Variants in DNAJC1 observed in about 807,000 individuals in gnomAD.
DNAJC1 encodes DnaJ heat shock protein family (Hsp40) member C1, also known as dnaJ homolog subfamily C member 1.
Under a neutral mutation model 76.6 loss-of-function variants are expected in DNAJC1, and 58 were observed. That is an observed-to-expected ratio of 0.76 (90% CI 0.61 to 0.94). The LOEUF (loss-of-function observed/expected upper bound fraction) is 0.94, where lower values mean the gene tolerates loss of function less well. Ranked by LOEUF, DNAJC1 falls within the 40% of genes least tolerant of loss-of-function variation. The pLI, the probability that DNAJC1 is intolerant of heterozygous loss-of-function variation, is 0.00. For synonymous variants in DNAJC1, 258 were observed against 267.9 expected (o/e 0.96, Z 0.36); for missense variants, 689 against 677.3 (o/e 1.02, Z -0.19).
intron 1 of DNAJC1, among the ~76,000 whole-genome samples, chr10:21,989,008 C>T (rs531147891): frequency 2.0e-5 from 3 of 152,198 alleles, no homozygotes; most frequent in Non-Finnish European, 2.9e-5. Context: ...TTCAAAACCT[C>T]GTGGGATTTG....
intron 8 of DNAJC1, among the ~76,000 whole-genome samples, chr10:21,823,650 A>G (rs937086699): frequency 3.3e-5 from 5 of 151,984 alleles, no homozygotes; most frequent in African/African-American, 1.2e-4. Context: ...AGGGTGTCCA[A>G]TCTTTTGGCT....
chr10:21,830,694 A>C (rs1157556202), intron 8 of DNAJC1, among the ~76,000 whole-genome samples: 1 of 152,078 alleles, frequency 6.6e-6, no homozygotes, highest in African/African-American at 2.4e-5. Flanking sequence ...TTTCTTTCTG[A>C]AATGTATTAA....
chr10:21,858,739 C>T (rs1439932923), intron 8 of DNAJC1, among the ~76,000 whole-genome samples: 1 of 152,102 alleles, frequency 6.6e-6, no homozygotes, highest in Non-Finnish European at 1.5e-5. Flanking sequence ...AGGTCTCCTA[C>T]ATAAAACACT....
At chr10:21,915,069 T>C (rs965975010) in intron 6 of DNAJC1, among the ~76,000 whole-genome samples, 9 of 152,238 alleles carry the variant, frequency 5.9e-5, no homozygotes, top group African/African-American at 2.2e-4. Flanking sequence ...TTTGTTCTGA[T>C]ATACATTTAA....
chr10:21,842,728 G>T (rs571311428), intron 8 of DNAJC1, among the ~76,000 whole-genome samples: 49 of 152,302 alleles, frequency 3.2e-4, no homozygotes, highest in Non-Finnish European at 6.2e-4. Context: ...AGTACAGTTT[G>T]TGAGAAAATT....
intron 1 of DNAJC1, among the ~76,000 whole-genome samples, chr10:21,948,847 T>C (rs1315913311): frequency 6.6e-6 from 1 of 152,200 alleles, no homozygotes; most frequent in Non-Finnish European, 1.5e-5. Context: ...AGTACCTCTT[T>C]TTAAAAATGC....
At chr10:21,894,852 C>G (rs1286223117) in intron 7 of DNAJC1, among the ~76,000 whole-genome samples, 1 of 152,096 alleles carries the variant, frequency 6.6e-6, no homozygotes, top group African/African-American at 2.4e-5. Flanking sequence ...ATCTCTTCTG[C>G]CATGTGAGCA....
At chr10:21,800,520 G>A (rs1287769412) in intron 9 of DNAJC1, among the ~76,000 whole-genome samples, 1 of 152,150 alleles carries the variant, frequency 6.6e-6, no homozygotes, top group African/African-American at 2.4e-5. Context: ...AGCAAAAAAA[G>A]GAAGCAATTT....
chr10:21,767,003 A>G (rs1834308758), intron 9 of DNAJC1, among the ~76,000 whole-genome samples: 1 of 151,384 alleles, frequency 6.6e-6, no homozygotes, highest in Admixed American at 6.6e-5. Context: ...TACTACTTTC[A>G]TTATGCAAAC....
At chr10:21,835,428 C>A (rs1835433943) in intron 8 of DNAJC1, among the ~76,000 whole-genome samples, 1 of 152,318 alleles carries the variant, frequency 6.6e-6, no homozygotes, top group Admixed American at 6.5e-5. Flanking sequence ...ACCTCTCCTC[C>A]TCCAAAGGAA....
chr10:21,862,801 C>A, intron 8 of DNAJC1, among the ~76,000 whole-genome samples: 1 of 151,970 alleles, frequency 6.6e-6, no homozygotes, highest in Non-Finnish European at 1.5e-5. Context: ...GAAGGAAGTT[C>A]TCAAATCAAC....
chr10:21,995,215 G>A (rs1838396920), intron 1 of DNAJC1, among the ~76,000 whole-genome samples: 1 of 152,064 alleles, frequency 6.6e-6, no homozygotes. Context: ...CTTAAGTATT[G>A]ACTAGAAATA....
chr10:21,838,932 CGGG>C (rs1205544219), intron 8 of DNAJC1, among the ~76,000 whole-genome samples: 1 of 152,146 alleles, frequency 6.6e-6, no homozygotes, highest in Non-Finnish European at 1.5e-5. Flanking sequence ...AACTAGAACT[CGGG>C]ATTAAGAAAC....
chr10:21,964,378 C>T (rs1732055376), intron 1 of DNAJC1, among the ~76,000 whole-genome samples: 1 of 152,032 alleles, frequency 6.6e-6, no homozygotes, highest in African/African-American at 2.4e-5. Flanking sequence ...CCATGCCTGG[C>T]TAATTTTTTT....
At chr10:22,003,128 C>T in intron 1 of DNAJC1, 85 bp downstream of exon 1, 4 of 1,370,010 alleles carry the variant, frequency 2.9e-6, no homozygotes, top group Non-Finnish European at 2.8e-6. Context: ...CCCTGCCCTA[C>T]GTGTCCGGCT....
At chr10:21,891,641 C>G (rs1836465247) in intron 7 of DNAJC1, among the ~76,000 whole-genome samples, 1 of 152,006 alleles carries the variant, frequency 6.6e-6, no homozygotes, top group Admixed American at 6.6e-5. Context: ...CCATAGAGGC[C>G]AGAAGGAAGT....
chr10:21,846,340 G>A (rs1020054815), intron 8 of DNAJC1, among the ~76,000 whole-genome samples: 2 of 152,054 alleles, frequency 1.3e-5, no homozygotes, highest in South Asian at 4.2e-4. Context: ...AAACAATTTT[G>A]GGCTCTGCCA....
chr10:21,986,726 A>G lies in DNAJC1; in HGVS notation c.222+16487T>C, dbSNP rs1201934826. Among the ~76,000 whole-genome samples the G allele has an allele frequency of 3.3e-5, 5 of 152,070 alleles. 1 individual carries two copies. Among genetic ancestry groups the G allele is most frequent in the African/African-American group, 1.2e-4 (5 of 41,410 alleles). The stretch of plus-strand genomic sequence containing the variant: ...TGTTTAATCCATTTTATATGTTGCT[A>G]GATTCAGCTTGCTAACACTTTGGCT... On this transcript the variant is annotated intron_variant, in intron 1 of 11. Coordinates refer to ENST00000376980, the MANE Select transcript of DNAJC1 (RefSeq NM_022365.4).
At chr10:21,802,551 C>T (rs942497538) in intron 9 of DNAJC1, among the ~76,000 whole-genome samples, 2 of 152,078 alleles carry the variant, frequency 1.3e-5, no homozygotes, top group African/African-American at 2.4e-5. Context: ...TATATAACTA[C>T]ACACCCCTTA....
Sources: gnomAD v4.1 joint callset for allele counts (sites outside exome capture counted in the v4.1 genomes callset) on GRCh38, gnomAD v4.1.1 for gene constraint, MANE v1.5 for transcripts, NCBI Gene and HGNC (gene_info 2026-07-23, HGNC 2026-07-21) for gene names.